Variants in FER observed in about 807,000 individuals in gnomAD.
FER encodes tyrosine-protein kinase Fer.
FER carries 63 observed loss-of-function variants against 111.0 expected under a neutral mutation model. That is an observed-to-expected ratio of 0.57 (90% CI 0.46 to 0.70). The LOEUF (loss-of-function observed/expected upper bound fraction) is 0.70, where lower values mean the gene tolerates loss of function less well. Ranked by LOEUF, FER falls within the 30% of genes least tolerant of loss-of-function variation. FER has a pLI of 0.00. For missense variants in FER, 914 were observed against 954.0 expected, an observed-to-expected ratio of 0.96 and a Z score of 0.55; for synonymous variants, 327 against 313.9, an observed-to-expected ratio of 1.04 and a Z score of -0.44.
intron 1 of FER, among the ~76,000 whole-genome samples, chr5:108,762,038 G>A (rs984026720): frequency 7.2e-5 from 11 of 152,042 alleles, no homozygotes; most frequent in African/African-American, 2.7e-4. Context: ...AGCCTCCCAA[G>A]TAGCTGGGAC....
intron 17 of FER, among the ~76,000 whole-genome samples, chr5:109,104,998 C>T (rs1258605463): frequency 6.6e-6 from 1 of 152,130 alleles, no homozygotes; most frequent in Non-Finnish European, 1.5e-5. Flanking sequence ...CTGCCTTGGC[C>T]TCCCAAAGTG....
At chr5:109,010,102 A>G (rs1766045950) in intron 13 of FER, among the ~76,000 whole-genome samples, 1 of 152,168 alleles carries the variant, frequency 6.6e-6, no homozygotes, top group African/African-American at 2.4e-5. Flanking sequence ...AAAGGTGTGG[A>G]TATTAAACAG....
At chr5:109,069,079 A>G (rs1775463679) in intron 16 of FER, among the ~76,000 whole-genome samples, 1 of 152,176 alleles carries the variant, frequency 6.6e-6, no homozygotes, top group African/African-American at 2.4e-5. Context: ...TTTCAGAGAA[A>G]GAATGCTATT....
At chr5:109,154,960 C>G (rs1430811647) in intron 17 of FER, among the ~76,000 whole-genome samples, 1 of 151,888 alleles carries the variant, frequency 6.6e-6, no homozygotes, top group Non-Finnish European at 1.5e-5. Context: ...CAGAGCATCT[C>G]CATCTCAAGC....
At chr5:108,872,384 T>G (rs1199568137) in intron 8 of FER, among the ~76,000 whole-genome samples, 172 bp downstream of exon 8, 3 of 152,140 alleles carry the variant, frequency 2.0e-5, no homozygotes, top group Non-Finnish European at 4.4e-5. Context: ...GTCACTACTT[T>G]TGGTAATTCC....
At chr5:109,097,801 T>C (rs1747724741) in intron 16 of FER, among the ~76,000 whole-genome samples, 1 of 151,830 alleles carries the variant, frequency 6.6e-6, no homozygotes, top group African/African-American at 2.4e-5. Flanking sequence ...GCTTCAGGGT[T>C]CTTAATACTT....
Position 109,160,517 on chromosome 5 carries a change from C to T in FER, c.2049-20230C>T, listed in dbSNP as rs1688428775. 3.3e-5 allele frequency among the ~76,000 whole-genome samples: 5 copies of T among 152,300 alleles called. No individual in the cohort carries two copies. The South Asian group carries it at 1.0e-3, about 32-fold the overall frequency. ...TAACTTGCTGTGCAAAATACTATGT[C>T]TTCCCTACTTTATTCATTCTTAGAG... is the stretch of plus-strand genomic sequence containing the variant. On this transcript the variant is annotated intron_variant, in intron 17 of 19. Coordinates refer to ENST00000281092, the MANE Select transcript of FER (RefSeq NM_005246.4).
Position 108,908,854 on chromosome 5 carries a change from C to T in FER, c.1236+11006C>T, listed in dbSNP as rs113017429. On this transcript the variant is annotated intron_variant, in intron 10 of 19. Transcript: ENST00000281092. ...AGAAGTTCTAGACTAGCCTGGGCCA[C>T]ATGGAGAAACCCTGTATCTACAAAA... Among the ~76,000 whole-genome samples the T allele has an allele frequency of 3.7e-3, 565 of 152,186 alleles. 1 individual carries two copies. The highest frequency in any genetic ancestry group is 6.6e-3 in the Non-Finnish European group (449 of 68,018).
intron 13 of FER, among the ~76,000 whole-genome samples, chr5:108,989,994 C>T (rs1453943386): frequency 2.0e-5 from 3 of 151,678 alleles, no homozygotes; most frequent in African/African-American, 7.2e-5. Context: ...TTTTGTGTCC[C>T]CCTAGTGCCT....
At chr5:108,869,289 T>G (rs893747828) in intron 6 of FER, among the ~76,000 whole-genome samples, 1 of 152,108 alleles carries the variant, frequency 6.6e-6, no homozygotes, top group African/African-American at 2.4e-5. Flanking sequence ...CAAGTGAGAA[T>G]GGACCCAGAT....
intron 10 of FER, among the ~76,000 whole-genome samples, chr5:108,904,949 G>A (rs1750544964): frequency 6.6e-6 from 1 of 151,974 alleles, no homozygotes; most frequent in African/African-American, 2.4e-5. Context: ...GACACCTAAA[G>A]TATATTTACA....
chr5:109,082,170 A>T (rs1777059936), intron 16 of FER, among the ~76,000 whole-genome samples: 1 of 151,896 alleles, frequency 6.6e-6, no homozygotes, highest in South Asian at 2.1e-4. Context: ...TTTGAGCGTT[A>T]TTCTTTCTTT....
In FER at chr5:109,187,698, T is replaced by TTAAC. The variant is rs1430694590; in HGVS notation, c.*125_*128dup. 16 of 1,219,040 alleles carry TTAAC rather than the reference T, an allele frequency of 1.3e-5. No homozygotes were observed. Among genetic ancestry groups the TTAAC allele is most frequent in the Non-Finnish European group, 1.8e-5 (16 of 882,088 alleles). The allele number at this position is 1,219,040 out of a possible 1,614,324, so 75.5% of individuals were successfully genotyped here. A position where few individuals can be genotyped will look rare whatever the true frequency, so the allele number is the denominator to read the frequency against. The stretch of plus-strand genomic sequence containing the variant: ...GACAGTCTTCTACCATTATTTTTTA[T>TTAAC]TAACTGGGTGTTTTAAAAGTACGTT... On this transcript the variant is annotated 3_prime_UTR_variant, in exon 20 of 20. Coordinates refer to ENST00000281092, the MANE Select transcript of FER (RefSeq NM_005246.4).
intron 10 of FER, among the ~76,000 whole-genome samples, chr5:108,940,598 C>T (rs1288166901): frequency 6.6e-6 from 1 of 151,640 alleles, no homozygotes; most frequent in Non-Finnish European, 1.5e-5. Flanking sequence ...GATCAATCCT[C>T]AAAAGTTTTT....
chr5:109,121,508 G>C (rs1314344775), intron 17 of FER, among the ~76,000 whole-genome samples: 1 of 151,836 alleles, frequency 6.6e-6, no homozygotes, highest in Non-Finnish European at 1.5e-5. Context: ...CTTACTTTGA[G>C]GATTTTTGCA....
chr5:108,922,158 T>C (rs890179305), intron 10 of FER, among the ~76,000 whole-genome samples: 3 of 152,182 alleles, frequency 2.0e-5, no homozygotes, highest in African/African-American at 7.2e-5. Flanking sequence ...GGTTATCCCC[T>C]AGAAATTTTG....
intron 9 of FER, chr5:108,894,400 G>C (rs899464646): frequency 1.2e-6 from 1 of 866,954 alleles, no homozygotes; most frequent in Admixed American, 2.8e-5. Flanking sequence ...AACTGTTTGT[G>C]GACCTCGTCT....
At chr5:108,938,022 TCTCTCACACA>T (rs1230226905) in intron 10 of FER, among the ~76,000 whole-genome samples, 76 of 77,858 alleles carry the variant, frequency 9.8e-4, no homozygotes, top group African/African-American at 3.7e-3. Context: ...TCCCTATCTC[TCTCTCACACA>T]CACACACACA....
At chr5:108,918,906 C>A (rs1382594027) in intron 10 of FER, among the ~76,000 whole-genome samples, 1 of 152,160 alleles carries the variant, frequency 6.6e-6, no homozygotes, top group Admixed American at 6.5e-5. Flanking sequence ...GAGGAGAGTT[C>A]TCGATTGCAG....
Sources: allele counts gnomAD v4.1 joint callset (sites outside exome capture counted in the v4.1 genomes callset), GRCh38; gene constraint gnomAD v4.1.1; transcripts MANE v1.5; gene names NCBI Gene and HGNC (gene_info 2026-07-23, HGNC 2026-07-21).